GABRG3: variants seen among roughly 807,000 people sequenced by gnomAD.
The protein encoded by GABRG3 is gamma-aminobutyric acid receptor subunit gamma-3.
A neutral mutation model predicts 48.8 loss-of-function variants in GABRG3; 25 were observed. That is an observed-to-expected ratio of 0.51 (90% CI 0.37 to 0.72). The LOEUF (loss-of-function observed/expected upper bound fraction) is 0.72, where lower values mean the gene tolerates loss of function less well. Ranked by LOEUF, GABRG3 falls within the 30% of genes least tolerant of loss-of-function variation. The pLI is 0.00. For synonymous variants in GABRG3, 227 were observed against 217.6 expected (o/e 1.04, Z -0.38); for missense variants, 394 against 577.9 (o/e 0.68, Z 3.26).
chr15:27,413,570 G>A (rs183861190), intron 5 of GABRG3, among the ~76,000 whole-genome samples: 5 of 152,290 alleles, frequency 3.3e-5, no homozygotes, highest in African/African-American at 1.2e-4. Context: ...TCACATTTGA[G>A]TAGATAACTT....
At chr15:27,111,015 A>C (rs1271887882) in intron 3 of GABRG3, among the ~76,000 whole-genome samples, 1 of 152,188 alleles carries the variant, frequency 6.6e-6, no homozygotes, top group Non-Finnish European at 1.5e-5. Context: ...ACTGGTGTTC[A>C]AATGATGCAT....
intron 3 of GABRG3, among the ~76,000 whole-genome samples, chr15:27,169,516 A>G (rs185646800): frequency 5.3e-5 from 8 of 152,206 alleles, no homozygotes; most frequent in African/African-American, 1.9e-4. Flanking sequence ...AAGCTATGGG[A>G]ACCATCTGAG....
chr15:27,125,649 C>T (rs1897807327), intron 3 of GABRG3, among the ~76,000 whole-genome samples: 1 of 152,174 alleles, frequency 6.6e-6, no homozygotes, highest in Admixed American at 6.5e-5. Context: ...AAGATATTAG[C>T]ATTGTTAGAC....
intron 5 of GABRG3, among the ~76,000 whole-genome samples, chr15:27,330,669 A>C (rs1289752964): frequency 6.6e-6 from 1 of 152,264 alleles, no homozygotes; most frequent in African/African-American, 2.4e-5. Context: ...AAAGATTTTT[A>C]TAGAAATAAA....
At chr15:27,354,147 G>A (rs778746089) in intron 5 of GABRG3, among the ~76,000 whole-genome samples, 15 of 152,178 alleles carry the variant, frequency 9.9e-5, no homozygotes, top group Non-Finnish European at 1.8e-4. Context: ...TCGTCTCATA[G>A]CCTGAAAAAT....
In GABRG3 at chr15:27,537,911, C is replaced by T. The variant is rs1891586092; in HGVS notation, c.*5030C>T. On this transcript the variant is annotated 3_prime_UTR_variant, in exon 10 of 10. Transcript: ENST00000615808. ...CTGGAGTGCAGTGGCGCCATCTCGG[C>T]TCACTGCAACCTCCACCTCCCGGGT... The T allele has an allele frequency of 6.6e-6, 1 of 151,848 alleles. No homozygotes were observed. 9.4% of individuals were successfully genotyped at this position (151,848 alleles called of 1,614,324 possible).
chr15:27,474,412 C>T (rs2150841890), intron 5 of GABRG3, among the ~76,000 whole-genome samples: 1 of 152,190 alleles, frequency 6.6e-6, no homozygotes, highest in Non-Finnish European at 1.5e-5. Context: ...GTATGTCAAA[C>T]ATCCAACAAA....
intron 3 of GABRG3, among the ~76,000 whole-genome samples, chr15:27,202,005 A>G (rs1297924703): frequency 6.6e-6 from 1 of 152,184 alleles, no homozygotes; most frequent in African/African-American, 2.4e-5. Flanking sequence ...CACAAATACC[A>G]TCATACAAGT....
At chr15:27,182,837 C>T (rs138051874) in intron 3 of GABRG3, among the ~76,000 whole-genome samples, 4 of 152,218 alleles carry the variant, frequency 2.6e-5, no homozygotes, top group South Asian at 2.1e-4. Flanking sequence ...TCCATTTGGC[C>T]GAGATGAGCT....
intron 3 of GABRG3, among the ~76,000 whole-genome samples, chr15:27,197,723 G>T (rs1888540739): frequency 6.6e-6 from 1 of 152,132 alleles, no homozygotes. Context: ...ACTTGGCTGT[G>T]AATCTGTCTC....
chr15:27,493,644 ATAT>A (rs1373902585), intron 6 of GABRG3, among the ~76,000 whole-genome samples: 2 of 152,232 alleles, frequency 1.3e-5, no homozygotes, highest in Non-Finnish European at 2.9e-5. Context: ...AGATAGAAAT[ATAT>A]TATTATCTGA....
intron 5 of GABRG3, among the ~76,000 whole-genome samples, chr15:27,441,826 T>G (rs532858692): frequency 4.0e-5 from 6 of 151,600 alleles, no homozygotes; most frequent in Non-Finnish European, 7.4e-5. Flanking sequence ...TAATGTTATG[T>G]TTTTTTTAAA....
chr15:27,383,227 A>G (rs1298997793), intron 5 of GABRG3, among the ~76,000 whole-genome samples: 1 of 152,204 alleles, frequency 6.6e-6, no homozygotes, highest in East Asian at 1.9e-4. Context: ...ATCTGAGGAT[A>G]GTACTTTAAT....
At chr15:27,094,447 A>G (rs1897240870) in intron 3 of GABRG3, among the ~76,000 whole-genome samples, 1 of 152,218 alleles carries the variant, frequency 6.6e-6, no homozygotes, top group African/African-American at 2.4e-5. Context: ...TCCCAGTCTC[A>G]GCCCCAGATA....
At chr15:27,330,729 A>T (rs113258864) in intron 5 of GABRG3, among the ~76,000 whole-genome samples, 4 of 152,376 alleles carry the variant, frequency 2.6e-5, no homozygotes, top group African/African-American at 9.6e-5. Flanking sequence ...AGGGAAATAC[A>T]TGAAAGTGAA....
intron 5 of GABRG3, among the ~76,000 whole-genome samples, chr15:27,350,776 G>T (rs1276749641): frequency 6.6e-6 from 1 of 152,204 alleles, no homozygotes; most frequent in Non-Finnish European, 1.5e-5. Flanking sequence ...GGCCTGGGGC[G>T]AGTGCTGAGG....
intron 3 of GABRG3, among the ~76,000 whole-genome samples, chr15:27,129,136 A>G (rs939374135): frequency 5.3e-5 from 8 of 152,168 alleles, no homozygotes; most frequent in East Asian, 3.9e-4. Context: ...TTGTTGTGCT[A>G]TTATCACCAC....
At chr15:27,428,576 G>A (rs1888359689) in intron 5 of GABRG3, among the ~76,000 whole-genome samples, 1 of 152,180 alleles carries the variant, frequency 6.6e-6, no homozygotes, top group Admixed American at 6.5e-5. Flanking sequence ...AGGAATTTGT[G>A]TAATTTTCAA....
Position 27,281,618 on chromosome 15 carries a change from G to A in GABRG3, c.271-45191G>A, listed in dbSNP as rs544267777. Among the ~76,000 whole-genome samples, 17 of 150,772 alleles carry A rather than the reference G, an allele frequency of 1.1e-4. No homozygotes were observed. The South Asian group carries it at 1.3e-3, about 11-fold the overall frequency. On this transcript the variant is annotated intron_variant, in intron 3 of 9. Coordinates refer to ENST00000615808, the MANE Select transcript of GABRG3 (RefSeq NM_033223.5). Reference sequence around the variant, plus strand: ...AATCTGTTGGTACTTTGTATTTTTCGGACACTGTACTTTTCCTACTTTGAT... The same window carrying A: ...AATCTGTTGGTACTTTGTATTTTTCAGACACTGTACTTTTCCTACTTTGAT...
Sources: gnomAD v4.1 joint callset for allele counts (sites outside exome capture counted in the v4.1 genomes callset) on GRCh38, gnomAD v4.1.1 for gene constraint, MANE v1.5 for transcripts, NCBI Gene and HGNC (gene_info 2026-07-23, HGNC 2026-07-21) for gene names.